Variants in PPP2R2B observed in about 807,000 individuals in gnomAD.
The protein encoded by PPP2R2B is protein phosphatase 2 regulatory subunit Bbeta.
PPP2R2B carries 5 observed loss-of-function variants against 46.0 expected under a neutral mutation model. The ratio of observed to expected loss-of-function variants is 0.11; its 90% CI spans 0.06 to 0.23. The LOEUF (loss-of-function observed/expected upper bound fraction) is 0.23, where lower values mean the gene tolerates loss of function less well. Ranked by LOEUF, PPP2R2B falls within the 10% of genes least tolerant of loss-of-function variation. PPP2R2B has a pLI of 1.00. For missense variants in PPP2R2B, 367 were observed against 575.0 expected, an observed-to-expected ratio of 0.64 and a Z score of 3.70; for synonymous variants, 215 against 206.7, an observed-to-expected ratio of 1.04 and a Z score of -0.34.
At chr5:146,994,522 G>A (rs1329657730) in intron 1 of PPP2R2B, among the ~76,000 whole-genome samples, 1 of 152,068 alleles carries the variant, frequency 6.6e-6, no homozygotes, top group Non-Finnish European at 1.5e-5. Flanking sequence ...TAGTACAGGG[G>A]GCCACTGGAG....
intron 2 of PPP2R2B, among the ~76,000 whole-genome samples, chr5:146,714,178 G>C (rs1780360696): frequency 6.6e-6 from 1 of 152,164 alleles, no homozygotes; most frequent in Non-Finnish European, 1.5e-5. Context: ...ACCAAGTGAA[G>C]TTCAGACAAG....
chr5:146,694,084 G>A (rs920509291), intron 4 of PPP2R2B, among the ~76,000 whole-genome samples: 1 of 152,180 alleles, frequency 6.6e-6, no homozygotes, highest in Non-Finnish European at 1.5e-5. Context: ...TCGCCTTGAA[G>A]CTGCCAGAAA....
At chr5:146,639,997 T>C (rs965056142) in intron 6 of PPP2R2B, among the ~76,000 whole-genome samples, 4 of 152,190 alleles carry the variant, frequency 2.6e-5, no homozygotes, top group African/African-American at 9.6e-5. Context: ...CTTGTATGCT[T>C]TTCATTAAGC....
At position 146,588,080 on chromosome 5, in the gene PPP2R2B, T is replaced by G. The variant is rs1483600883; in HGVS notation, c.*1867A>C. 1 of 147,734 alleles carries G rather than the reference T, an allele frequency of 6.8e-6. No individual in the cohort carries two copies. The allele number at this position is 147,734 out of a possible 1,614,324, so 9.2% of individuals were successfully genotyped here. Reference sequence around the variant, plus strand: ...TCTCTCATGTCTCCTCCAAGAACACTGTCCCAGTCAGGACAGAAATCTTGC... The same window carrying G: ...TCTCTCATGTCTCCTCCAAGAACACGGTCCCAGTCAGGACAGAAATCTTGC... On this transcript the variant is annotated 3_prime_UTR_variant, in exon 10 of 10. Coordinates refer to ENST00000394411, the MANE Select transcript of PPP2R2B (RefSeq NM_181675.4).
chr5:146,862,511 C>G (rs1274325143), intron 2 of PPP2R2B, among the ~76,000 whole-genome samples: 2 of 152,060 alleles, frequency 1.3e-5, no homozygotes, highest in Non-Finnish European at 2.9e-5. Context: ...CTGTGGTGAT[C>G]AAACAACTTG....
At chr5:147,048,960 C>CA (rs1756661278) in intron 1 of PPP2R2B, among the ~76,000 whole-genome samples, 2 of 151,356 alleles carry the variant, frequency 1.3e-5, no homozygotes, top group South Asian at 2.1e-4. Context: ...AAAGGACAGG[C>CA]AAAAAACAAG....
intron 2 of PPP2R2B, among the ~76,000 whole-genome samples, chr5:146,819,870 T>G (rs1351739002): frequency 6.6e-6 from 1 of 152,144 alleles, no homozygotes; most frequent in Non-Finnish European, 1.5e-5. Flanking sequence ...GAATGTATAA[T>G]ACAATGGAGT....
chr5:146,673,667 A>T (rs1184005288), intron 5 of PPP2R2B, among the ~76,000 whole-genome samples: 1 of 152,174 alleles, frequency 6.6e-6, no homozygotes, highest in East Asian at 1.9e-4. Flanking sequence ...CTTTCCAGAC[A>T]ACTGTACCTG....
At chr5:146,716,072 C>A (rs1355644632) in intron 2 of PPP2R2B, among the ~76,000 whole-genome samples, 1 of 152,024 alleles carries the variant, frequency 6.6e-6, no homozygotes, top group Non-Finnish European at 1.5e-5. Flanking sequence ...ACAGCATGTC[C>A]CTTGTGGGCA....
intron 1 of PPP2R2B, among the ~76,000 whole-genome samples, chr5:147,022,675 T>C (rs1755338497): frequency 6.6e-6 from 1 of 151,938 alleles, no homozygotes; most frequent in Admixed American, 6.6e-5. Flanking sequence ...ATAAAATTGC[T>C]GAAAACCAAT....
chr5:146,762,628 A>G (rs1050407770), intron 2 of PPP2R2B, among the ~76,000 whole-genome samples: 4 of 152,240 alleles, frequency 2.6e-5, no homozygotes, highest in Admixed American at 2.0e-4. Flanking sequence ...ATTCATCTCC[A>G]TATATCCAGA....
intron 1 of PPP2R2B, among the ~76,000 whole-genome samples, chr5:146,973,490 G>C (rs1252612451): frequency 1.3e-5 from 2 of 152,206 alleles, no homozygotes; most frequent in African/African-American, 4.8e-5. Context: ...CCAGGTCATA[G>C]CTAAGTGGCA....
chr5:146,910,186 A>G (rs1218175290), intron 1 of PPP2R2B, among the ~76,000 whole-genome samples: 1 of 152,228 alleles, frequency 6.6e-6, no homozygotes, highest in Non-Finnish European at 1.5e-5. Flanking sequence ...TTTCATTGCA[A>G]GTAATTTCAT....
upstream of PPP2R2B, among the ~76,000 whole-genome samples, chr5:146,881,488 C>T (rs753968087): frequency 2.0e-5 from 3 of 152,188 alleles, no homozygotes; most frequent in Admixed American, 6.5e-5. Context: ...TCAAGGCTCA[C>T]TGCAACCTCT....
rs777543263 is a variant in PPP2R2B, at chr5:146,938,219, C to G, written c.79+117446G>C. Among the ~76,000 whole-genome samples, 173 of 152,244 alleles carry G rather than the reference C, an allele frequency of 1.1e-3. 1 individual carries two copies. Among genetic ancestry groups the G allele is most frequent in the Non-Finnish European group, 3.8e-4 (26 of 68,020 alleles). On this transcript the variant is annotated intron_variant, in intron 1 of 8. Transcript: ENST00000336640. ...TCATTAAATTATAGCACAATATAAA[C>G]TCACTATCTATTGCAAGATGTACTC...
chr5:146,967,865 G>T (rs2151846238), intron 1 of PPP2R2B, among the ~76,000 whole-genome samples: 1 of 152,260 alleles, frequency 6.6e-6, no homozygotes, highest in African/African-American at 2.4e-5. Context: ...GACCGACTCA[G>T]CCAAGAACCA....
At chr5:146,683,416 T>C (rs1046452616) in intron 5 of PPP2R2B, among the ~76,000 whole-genome samples, 1 of 152,218 alleles carries the variant, frequency 6.6e-6, no homozygotes, top group Non-Finnish European at 1.5e-5. Flanking sequence ...TACCACTTAC[T>C]AGCCGTCTAA....
intron 2 of PPP2R2B, among the ~76,000 whole-genome samples, chr5:146,710,662 A>G (rs928452330): frequency 2.0e-5 from 3 of 152,258 alleles, no homozygotes; most frequent in Non-Finnish European, 4.4e-5. Context: ...TTTTTCAAAA[A>G]GCAGAGGAGT....
intron 8 of PPP2R2B, among the ~76,000 whole-genome samples, chr5:146,597,687 A>G (rs1363674809): frequency 6.6e-6 from 1 of 152,212 alleles, no homozygotes; most frequent in African/African-American, 2.4e-5. Flanking sequence ...ATCCCTGAGC[A>G]ACCCTACCAC....
Sources: gnomAD v4.1 joint callset for allele counts (sites outside exome capture counted in the v4.1 genomes callset) on GRCh38, gnomAD v4.1.1 for gene constraint, MANE v1.5 for transcripts, NCBI Gene and HGNC (gene_info 2026-07-23, HGNC 2026-07-21) for gene names.